Variants in PRCD observed in about 807,000 individuals in gnomAD.
PRCD encodes photoreceptor disk component PRCD.
Under a neutral mutation model 10.1 loss-of-function variants are expected in PRCD, and 12 were observed. The observed-to-expected ratio is 1.18, with a 90% CI of 0.76 to 1.92. The LOEUF (loss-of-function observed/expected upper bound fraction) is 1.92, where lower values mean the gene tolerates loss of function less well. Ranked by LOEUF, PRCD falls within the 40% of genes most tolerant of loss-of-function variation. PRCD has a pLI of 0.00. For synonymous variants in PRCD, 31 were observed against 26.2 expected (o/e 1.18, Z -0.56); for missense variants, 61 against 72.2 (o/e 0.84, Z 0.56).
At chr17:76,534,049 T>C (rs977929098) in intron 1 of PRCD, among the ~76,000 whole-genome samples, 1 of 152,060 alleles carries the variant, frequency 6.6e-6, no homozygotes, top group African/African-American at 2.4e-5. Context: ...ATAATAACAA[T>C]GATATATATA....
In PRCD at chr17:76,542,634, G is replaced by A. The variant is rs1426258397; in HGVS notation, c.*59+1G>A. The stretch of plus-strand genomic sequence containing the variant: ...GACTGGGATCAGCTGGCTCAGGCAG[G>A]TAGGGCAGGGCTGGGAGCCGGGGAG... On this transcript the variant is annotated splice_donor_variant, in intron 3 of 4. Transcript: ENST00000592014. LOFTEE classifies it low-confidence loss of function (3UTR_SPLICE). 2 of 1,601,782 alleles carry A rather than the reference G, an allele frequency of 1.2e-6. No homozygotes were observed. The highest frequency in any genetic ancestry group is 1.7e-5 in the Admixed American group (1 of 59,998).
upstream of PRCD, among the ~76,000 whole-genome samples, chr17:76,538,876 C>T (rs2074954462): frequency 6.6e-6 from 1 of 152,238 alleles, no homozygotes; most frequent in African/African-American, 2.4e-5. Context: ...ACTTGATGTC[C>T]CATTGCCCAA....
Position 76,531,215 on chromosome 17 carries a change from C to T in PRCD, n.45+3382C>T, listed in dbSNP as rs1174707339. On this transcript the variant is annotated intron_variant and non_coding_transcript_variant, in intron 1 of 4. Coordinates refer to the PRCD transcript ENST00000397633. This position sits in a 1 kb window ranked among gnomAD's most constrained non-coding sequence, Gnocchi z 7.4. ...TCCTGCAACCCCCAGGCCCCTCCGC[C>T]CCACGTGTGGCCGAGAGGATCATTC... is the stretch of plus-strand genomic sequence containing the variant. The T allele has an allele frequency of 3.7e-5, 54 of 1,479,430 alleles. No homozygotes were observed. Among genetic ancestry groups the T allele is most frequent in the Non-Finnish European group, 4.6e-5 (50 of 1,082,052 alleles). 91.6% of individuals were successfully genotyped at this position (1,479,430 alleles called of 1,614,324 possible). A position where few individuals can be genotyped will look rare whatever the true frequency, so the allele number is the denominator to read the frequency against.
downstream of PRCD, among the ~76,000 whole-genome samples, chr17:76,549,718 A>G (rs1224939031): frequency 2.0e-5 from 3 of 152,260 alleles, no homozygotes; most frequent in Admixed American, 1.3e-4. Context: ...AGATATATAA[A>G]GATAGAATAA....
At chr17:76,552,902 AT>A (rs1358173728) in intron 1 of PRCD, 1 of 113,958 alleles carries the variant, frequency 8.8e-6, no homozygotes, top group African/African-American at 3.4e-5. Flanking sequence ...ATATATAAAA[AT>A]ATATATATAT....
At chr17:76,551,129 C>T (rs1196969932) in intron 1 of PRCD, 1 of 152,176 alleles carries the variant, frequency 6.6e-6, no homozygotes, top group African/African-American at 2.4e-5. Context: ...TGCAGCGTCT[C>T]AGTCAAAACT....
Position 76,540,589 on chromosome 17 carries a change from G to T in PRCD, c.143+16G>T, listed in dbSNP as rs975797148. 5 of 1,612,372 alleles carry T rather than the reference G, an allele frequency of 3.1e-6. No individual in the cohort carries two copies. The African/African-American group carries it at 6.7e-5, about 22-fold the overall frequency. Reference sequence around the variant, plus strand: ...CCTCAGGCAGGTAAGGCAGGAGTCTGGGCTGGGGGAGGGAGGGTGCTGCCA... The same window carrying T: ...CCTCAGGCAGGTAAGGCAGGAGTCTTGGCTGGGGGAGGGAGGGTGCTGCCA... On this transcript the variant is annotated intron_variant, in intron 2 of 4. Transcript: ENST00000592014. The surrounding 1 kb of genome is among the most constrained non-coding windows in gnomAD (Gnocchi z 5.0).
chr17:76,548,485 G>A (rs560396753), downstream of PRCD, among the ~76,000 whole-genome samples: 6 of 152,354 alleles, frequency 3.9e-5, no homozygotes, highest in Admixed American at 6.5e-5. Context: ...CTGCTGGTTG[G>A]TCCTATAGGA....
chr17:76,537,346 G>A, upstream of PRCD: 19 of 1,515,040 alleles, frequency 1.3e-5, no homozygotes, highest in Admixed American at 2.1e-5. Context: ...TCCTCTGCCC[G>A]GAGCCGCTGC....
chr17:76,550,874 G>A (rs1013857734), intron 1 of PRCD: 1 of 152,224 alleles, frequency 6.6e-6, no homozygotes, highest in Non-Finnish European at 1.5e-5. Flanking sequence ...TGCGCCAGGC[G>A]CTGTGCTAAG....
rs1424257216 is a variant in PRCD, at chr17:76,544,406, G to T, written c.*756G>T. On this transcript the variant is annotated 3_prime_UTR_variant, in exon 5 of 5. Coordinates refer to ENST00000592014, the MANE Select transcript of PRCD (RefSeq NM_001077620.3). ...CCGCAGAGCAGAGGGAACCGCTGGG[G>T]AGGCGCTCAGGGTGGGGGAGGAGGT... 2.2e-6 allele frequency: 1 copy of T among 454,942 alleles called. No individual in the cohort carries two copies. The highest frequency in any genetic ancestry group is 4.4e-6 in the Non-Finnish European group (1 of 226,980). 28.2% of individuals were successfully genotyped at this position (454,942 alleles called of 1,614,324 possible).
downstream of PRCD, chr17:76,545,612 A>C (rs968046464): frequency 1.2e-5 from 4 of 338,818 alleles, no homozygotes; most frequent in African/African-American, 8.6e-5. Flanking sequence ...TTGTTCCACC[A>C]GCACATCCTA....
At chr17:76,529,440 TAGGGCAGGGTGGGG>T (rs2074807569) in intron 1 of PRCD, 1 of 985,312 alleles carries the variant, frequency 1.0e-6, no homozygotes, top group South Asian at 4.7e-5. Context: ...TCTTAGTCCC[TAGGGCAGGGTGGGG>T]AGGGCAGGAC....
rs368452796 is a variant in PRCD at position 76,530,475 on chromosome 17, GGTGT to G, written n.45+2655_45+2658del. Among the ~76,000 whole-genome samples the G allele has an allele frequency of 2.0e-5, 3 of 151,584 alleles. No individual in the cohort carries two copies. Among genetic ancestry groups the G allele is most frequent in the Non-Finnish European group, 4.4e-5 (3 of 67,792 alleles). On this transcript the variant is annotated intron_variant and non_coding_transcript_variant, in intron 1 of 4. Transcript: ENST00000397633. This position sits in a 1 kb window ranked among gnomAD's most constrained non-coding sequence, Gnocchi z 6.1. ...CCCATGTAGCTTCCTCGTGGGCTGGGGTGTGTGTGTGTGTGTATGTGTCCTCGTG... is the reference window on the plus strand; with the variant it reads ...CCCATGTAGCTTCCTCGTGGGCTGGGGTGTGTGTGTGTATGTGTCCTCGTG...
At chr17:76,552,714 A>C (rs1163033436) in intron 1 of PRCD, 2 of 151,396 alleles carry the variant, frequency 1.3e-5, no homozygotes, top group Non-Finnish European at 2.9e-5. Flanking sequence ...AAATACAAAA[A>C]TTAGCTGGGT....
Position 76,543,228 on chromosome 17 carries a change from G to A in PRCD, c.*152+107G>A, listed in dbSNP as rs1040961851. 1.8e-5 allele frequency: 7 copies of A among 383,398 alleles called. No homozygotes were observed. In the East Asian group the frequency reaches 2.2e-4, roughly 12 times the overall value. The allele number at this position is 383,398 out of a possible 1,614,324, so 23.7% of individuals were successfully genotyped here. A position where few individuals can be genotyped will look rare whatever the true frequency, so the allele number is the denominator to read the frequency against. On this transcript the variant is annotated intron_variant, in intron 4 of 4. Transcript: ENST00000592014. ...GCTGGGCCTGGCAGAAAGAGCAGAC[G>A]TGCTCGCTGCTCTCGGACGGGCTTC... is the stretch of plus-strand genomic sequence containing the variant.
chr17:76,528,005 C>T lies in PRCD; in HGVS notation n.45+172C>T. On this transcript the variant is annotated intron_variant and non_coding_transcript_variant, in intron 1 of 4. Transcript: ENST00000397633. This position sits in a 1 kb window ranked among gnomAD's most constrained non-coding sequence, Gnocchi z 5.8. ...CCTCTGCGCTGCTGTGGGATTTCCT[C>T]TTTGCCAGAACACTCTGTTCTCTGC... The T allele has an allele frequency of 2.8e-6, 1 of 362,334 alleles. No homozygotes were observed. The highest frequency in any genetic ancestry group is 2.1e-5 in the South Asian group (1 of 48,376). The allele number at this position is 362,334 out of a possible 1,614,324, so 22.4% of individuals were successfully genotyped here.
chr17:76,545,488 G>A, downstream of PRCD: 1 of 410,664 alleles, frequency 2.4e-6, no homozygotes, highest in South Asian at 1.7e-5. Flanking sequence ...GGCAGCTAGA[G>A]AGGGAGAGCT....
intron 3 of PRCD, 140 bp downstream of exon 3, chr17:76,542,773 T>C: frequency 1.5e-6 from 1 of 677,898 alleles, no homozygotes; most frequent in South Asian, 1.7e-5. Flanking sequence ...AGTAGGCGGA[T>C]GGACTCATGC....
Sources: gnomAD v4.1 joint callset for allele counts (sites outside exome capture counted in the v4.1 genomes callset) on GRCh38, gnomAD v4.1.1 for gene constraint, Gnocchi (gnomAD v3.1) non-coding constraint, MANE v1.5 for transcripts, NCBI Gene and HGNC (gene_info 2026-07-23, HGNC 2026-07-21) for gene names.